The following DHX32 variants were observed in gnomAD, a reference collection of about 807,000 sequenced individuals.
The protein encoded by DHX32 is DEAH-box helicase 32 (putative).
A neutral mutation model predicts 70.0 loss-of-function variants in DHX32; 51 were observed. The ratio of observed to expected loss-of-function variants is 0.73; its 90% CI spans 0.58 to 0.92. DHX32 has a LOEUF of 0.92. Ranked by LOEUF, DHX32 falls within the 40% of genes least tolerant of loss-of-function variation. The probability of loss-of-function intolerance (pLI) is 0.00; values close to 1 mark genes in which losing one functional copy is unlikely to be tolerated. For missense variants in DHX32, 762 were observed against 891.8 expected (o/e 0.85, Z 1.85); for synonymous variants, 310 against 315.3 (o/e 0.98, Z 0.18).
At chr10:125,880,497 A>T in intron 1 of DHX32, 46 bp downstream of exon 1, 1 of 1,525,998 alleles carries the variant, frequency 6.6e-7, no homozygotes, top group South Asian at 1.3e-5. Context: ...ATAACAATTA[A>T]AAAATCAACA....
At position 125,841,913 on chromosome 10, in the gene DHX32, G is replaced by A. The variant is rs758252946; in HGVS notation, c.1373C>T (p.Ala458Val). The change falls in exon 7 of 11, where the codon GCA becomes GTA. Residue 458 changes from alanine to valine, a missense_variant. By Grantham distance (64) the Ala-to-Val change is moderately conservative. Transcript: ENST00000284690. The part of the protein sequence containing the change: ...NRPAPESLMQ[A>V]LEDLDYLAAL... ...TGCCAGATAATCTAAGTCTTCCAATGCCTGCATCAAACTTTCTGGTGCTAG... is the reference window on the plus strand; with the variant it reads ...TGCCAGATAATCTAAGTCTTCCAATACCTGCATCAAACTTTCTGGTGCTAG... 2 of 1,598,774 alleles carry A rather than the reference G, an allele frequency of 1.3e-6. No individual in the cohort carries two copies. Among genetic ancestry groups the A allele is most frequent in the South Asian group, 2.3e-5 (2 of 86,382 alleles).
At chr10:125,863,027 C>A (rs1256688821) in intron 2 of DHX32, among the ~76,000 whole-genome samples, 2 of 151,790 alleles carry the variant, frequency 1.3e-5, no homozygotes, top group Non-Finnish European at 1.5e-5. Flanking sequence ...CAGTTTATAT[C>A]TTTAAATTAA....
In DHX32 at chr10:125,880,926, G is replaced by GT. The variant is rs1564832364; in HGVS notation, c.-103dup. 2.4e-5 allele frequency: 33 copies of GT among 1,351,538 alleles called. No homozygotes were observed. Among genetic ancestry groups the GT allele is most frequent in the Non-Finnish European group, 3.2e-5 (32 of 992,156 alleles). 83.7% of individuals were successfully genotyped at this position (1,351,538 alleles called of 1,614,324 possible). A position where few individuals can be genotyped will look rare whatever the true frequency, so the allele number is the denominator to read the frequency against. ...CTTAAAAGCCTATTTATACAAACCC[G>GT]TATGTTCCAATCTCTAAGACTTCAG... On this transcript the variant is annotated 5_prime_UTR_variant, in exon 1 of 11. Transcript: ENST00000284690.
In DHX32 at chr10:125,880,666, A is replaced by C. The variant is rs764568173; in HGVS notation, c.159T>G (p.Tyr53Ter). ...GATCTTCTCTTTCTTTCAGAAGTTT[A>C]TAATAACGTGATGAATATGGCAATC... ...FDGLPYSSRYYKLLKEREDLP... is the reference protein window; with the variant it reads ...FDGLPYSSRY Residue 53 changes from tyrosine to a stop codon, truncating the protein, a stop_gained, in exon 1 of 11, where the codon TAT (tyrosine) becomes TAG (stop). Coordinates refer to ENST00000284690, the MANE Select transcript of DHX32 (RefSeq NM_018180.3). LOFTEE classifies it high-confidence loss of function. 2.5e-6 allele frequency: 4 copies of C among 1,614,096 alleles called. No homozygotes were observed. The highest frequency in any genetic ancestry group is 3.4e-6 in the Non-Finnish European group (4 of 1,180,052).
chr10:125,841,239 G>C, intron 7 of DHX32: 1 of 1,611,008 alleles, frequency 6.2e-7, no homozygotes. Flanking sequence ...TTAATATCCT[G>C]CTTCTATTCC....
chr10:125,853,966 T>C lies in DHX32; in HGVS notation c.1087A>G (p.Arg363Gly). The change falls in exon 4 of 11, where the codon AGA becomes GGA. Residue 363 changes from arginine (R) to glycine (G), a missense_variant. Physicochemically the swap from Arg to Gly is moderately radical, Grantham distance 125 (BLOSUM62 -2). Transcript: ENST00000284690. ...GCCTACTCAATAATAATTACCTTTC[T>C]TCTTTCCACACCCACATCGATAACA... is the stretch of plus-strand genomic sequence containing the variant. ...RFVIDVGVER[R>G]KVYNPRIRAN... The C allele has an allele frequency of 6.2e-7, 1 of 1,613,516 alleles. No homozygotes were observed. The highest frequency in any genetic ancestry group is 8.5e-7 in the Non-Finnish European group (1 of 1,179,842).
intron 1 of DHX32, among the ~76,000 whole-genome samples, chr10:125,891,579 T>A (rs1944371479): frequency 6.6e-6 from 1 of 152,220 alleles, no homozygotes; most frequent in Non-Finnish European, 1.5e-5. Context: ...AAAATTTGTT[T>A]AAAAATGTTT....
intron 2 of DHX32, among the ~76,000 whole-genome samples, chr10:125,864,802 T>C (rs1944209292): frequency 6.6e-6 from 1 of 151,554 alleles, no homozygotes. Context: ...TGATGGTGCA[T>C]GCCTGTAGTC....
intron 8 of DHX32, 71 bp downstream of exon 8, chr10:125,840,772 ATAAC>A (rs1192317886): frequency 1.1e-5 from 16 of 1,441,046 alleles, no homozygotes; most frequent in African/African-American, 7.2e-5. Flanking sequence ...TGTTTGATGA[ATAAC>A]TAATAAGGAC....
Position 125,836,598 on chromosome 10 carries a change from C to G in DHX32, c.*89G>C. On this transcript the variant is annotated 3_prime_UTR_variant, in exon 11 of 11. Transcript: ENST00000284690. The stretch of plus-strand genomic sequence containing the variant: ...CAAGACCGTCCTGTGGATGTGAAAT[C>G]CGTCTTCGCGTCATGTATCTCCCAT... 6.8e-7 allele frequency: 1 copy of G among 1,477,790 alleles called. No homozygotes were observed. The highest frequency in any genetic ancestry group is 2.3e-5 in the East Asian group (1 of 43,396). The allele number at this position is 1,477,790 out of a possible 1,614,324, so 91.5% of individuals were successfully genotyped here.
chr10:125,846,695 G>A (rs965009891), intron 6 of DHX32, among the ~76,000 whole-genome samples: 5 of 152,192 alleles, frequency 3.3e-5, no homozygotes, highest in African/African-American at 1.2e-4. Context: ...CATACTTATA[G>A]GACAGGATTT....
intron 1 of DHX32, among the ~76,000 whole-genome samples, chr10:125,878,865 T>C (rs1293131163): frequency 1.3e-5 from 2 of 151,822 alleles, no homozygotes; most frequent in East Asian, 3.9e-4. Flanking sequence ...TGCATCACCA[T>C]GCCCAGCTAA....
intron 1 of DHX32, among the ~76,000 whole-genome samples, chr10:125,893,322 C>A (rs1265397117): frequency 2.6e-5 from 4 of 152,194 alleles, no homozygotes; most frequent in African/African-American, 9.7e-5. Context: ...CGGCTCACTG[C>A]AAGCTCCGCC....
At chr10:125,857,611 A>T (rs1944156747) in intron 3 of DHX32, among the ~76,000 whole-genome samples, 1 of 152,164 alleles carries the variant, frequency 6.6e-6, no homozygotes, top group Non-Finnish European at 1.5e-5. Flanking sequence ...TGGCATTTAC[A>T]GTTTCTACTA....
chr10:125,895,569 A>G (rs1425164564), intron 1 of DHX32, among the ~76,000 whole-genome samples: 2 of 152,230 alleles, frequency 1.3e-5, no homozygotes, highest in South Asian at 2.1e-4. Context: ...TGTGATCCTC[A>G]AAGCTTCCTT....
In DHX32 at chr10:125,866,137, TGGGATG is replaced by T. The variant is rs1944218948; in HGVS notation, c.476+847_476+852del. On this transcript the variant is annotated intron_variant, in intron 2 of 10. Coordinates refer to ENST00000284690, the MANE Select transcript of DHX32 (RefSeq NM_018180.3). This position sits in a 1 kb window ranked among gnomAD's most constrained non-coding sequence, Gnocchi z 4.8. ...CAGTGCCCGGGGCAGCTGAAGCCCG[TGGGATG>T]GTCAACTCTGGCTCCAGGCAGCTGT... is the stretch of plus-strand genomic sequence containing the variant. 2.6e-5 allele frequency among the ~76,000 whole-genome samples: 4 copies of T among 152,188 alleles called. No individual in the cohort carries two copies. Among genetic ancestry groups the T allele is most frequent in the Non-Finnish European group, 5.9e-5 (4 of 68,042 alleles).
At chr10:125,841,074 C>CACG (rs1854864721) in intron 7 of DHX32, 78 bp from the exon 8 acceptor site, 1 of 1,504,556 alleles carries the variant, frequency 6.6e-7, no homozygotes, top group Non-Finnish European at 9.0e-7. Context: ...GGGGAGGGGT[C>CACG]ACGACTGTTA....
At chr10:125,876,224 C>T (rs1233318298) in intron 1 of DHX32, among the ~76,000 whole-genome samples, 1 of 152,128 alleles carries the variant, frequency 6.6e-6, no homozygotes, top group Non-Finnish European at 1.5e-5. Flanking sequence ...ACCAAACTAT[C>T]CTTGAAAAAC....
chr10:125,877,242 G>A (rs556136926), intron 1 of DHX32, among the ~76,000 whole-genome samples: 22 of 152,190 alleles, frequency 1.4e-4, no homozygotes, highest in South Asian at 1.0e-3. Flanking sequence ...AGTTCTCATC[G>A]TTAGCTTCTC....
Sources: allele counts gnomAD v4.1 joint callset (sites outside exome capture counted in the v4.1 genomes callset), GRCh38; gene constraint gnomAD v4.1.1; non-coding constraint Gnocchi (gnomAD v3.1); transcripts MANE v1.5; gene names NCBI Gene and HGNC (gene_info 2026-07-23, HGNC 2026-07-21).